The following BPIFB4 variants were observed in gnomAD, a reference collection of about 807,000 sequenced individuals.
The protein encoded by BPIFB4 is BPI fold-containing family B member 4.
A neutral mutation model predicts 69.2 loss-of-function variants in BPIFB4; 62 were observed. That is an observed-to-expected ratio of 0.90 (90% confidence interval 0.73 to 1.11). The LOEUF is 1.11. Among genes scored for constraint, BPIFB4 ranks in the 50% least tolerant of loss-of-function variants. The probability of loss-of-function intolerance (pLI) is 0.00; values close to 1 mark genes in which losing one functional copy is unlikely to be tolerated. For missense variants in BPIFB4, 789 were observed against 792.0 expected (o/e 1.00, Z 0.04); for synonymous variants, 330 against 332.7 (o/e 0.99, Z 0.09).
chr20:33,082,373 GC>G lies in BPIFB4; in HGVS notation c.107-562del, dbSNP rs1252767401. ...TTTGAGACGGAGTTTCGCTCTTGTT[GC>G]CCAGGCTGGAGTGCAATGGTGCGAT... On this transcript the variant is annotated intron_variant, in intron 3 of 17. Transcript: ENST00000375483. Among the ~76,000 whole-genome samples, 4 of 152,158 alleles carry G rather than the reference GC, an allele frequency of 2.6e-5. No individual in the cohort carries two copies. In the South Asian group the frequency reaches 8.3e-4, roughly 32 times the overall value.
At chr20:33,105,977 C>T (rs573599871) in intron 16 of BPIFB4, among the ~76,000 whole-genome samples, 2 of 152,268 alleles carry the variant, frequency 1.3e-5, no homozygotes, top group South Asian at 2.1e-4. Flanking sequence ...AAGTGAGCTC[C>T]GTAAAGCAGT....
At chr20:33,085,964 G>A (rs1487640252) in intron 6 of BPIFB4, 57 bp from the exon 7 acceptor site, 2 of 1,558,918 alleles carry the variant, frequency 1.3e-6, no homozygotes, top group Non-Finnish European at 1.8e-6. Context: ...GGGTAAGGGT[G>A]AGCTCCTGGC....
rs142712835 is a variant in BPIFB4, at chr20:33,100,710, A to G, written c.1637+217A>G. 4.7e-3 allele frequency among the ~76,000 whole-genome samples: 713 copies of G among 152,310 alleles called. 6 individuals carry two copies. The highest frequency in any genetic ancestry group is 8.1e-3 in the Non-Finnish European group (553 of 68,028). On this transcript the variant is annotated intron_variant, in intron 14 of 17. Coordinates refer to ENST00000375483, the MANE Select transcript of BPIFB4 (RefSeq NM_182519.3). ...TAGAAAGAAACTACTGCCAAAATCA[A>G]CAGTCAGTAATAATGATGCTGGGGT...
At chr20:33,103,889 A>ACT (rs1161265392) in intron 15 of BPIFB4, among the ~76,000 whole-genome samples, 1 of 152,252 alleles carries the variant, frequency 6.6e-6, no homozygotes, top group Non-Finnish European at 1.5e-5. Context: ...CAAGTGAAGA[A>ACT]AGGGGCTGAC....
rs775260886 is a variant in BPIFB4 at position 33,111,486 on chromosome 20, C to A, written c.*49C>A. ...GCAACTGGAAGAAGCTGGAACCAGT[C>A]CCAGAGAGGCTCGGCCTGGAAACAG... On this transcript the variant is annotated 3_prime_UTR_variant, in exon 18 of 18. Coordinates refer to ENST00000375483, the MANE Select transcript of BPIFB4 (RefSeq NM_182519.3). 2 of 1,610,824 alleles carry A rather than the reference C, an allele frequency of 1.2e-6. No individual in the cohort carries two copies. Among genetic ancestry groups the A allele is most frequent in the Admixed American group, 1.7e-5 (1 of 59,890 alleles).
In BPIFB4 at chr20:33,092,589, C is replaced by A. The variant is rs747720586; in HGVS notation, c.1275C>A (p.Asn425Lys). The A allele has an allele frequency of 1.2e-6, 2 of 1,613,956 alleles. No individual in the cohort carries two copies. The highest frequency in any genetic ancestry group is 3.3e-5 in the Admixed American group (2 of 60,038). ...NTKSQLAMSANFLGSVLTLLQ... is the reference protein window; with the variant it reads ...NTKSQLAMSAKFLGSVLTLLQ... Reference sequence around the variant, plus strand: ...AGTCCCAGCTGGCCATGTCTGCCAACTTCCTGGGCTCAGTGCTGACTCTAC... The same window carrying A: ...AGTCCCAGCTGGCCATGTCTGCCAAATTCCTGGGCTCAGTGCTGACTCTAC... The change falls in exon 11 of 18, where the codon AAC becomes AAA. Residue 425 changes from asparagine (N) to lysine (K), a missense_variant. Asn to Lys is a moderately conservative substitution (Grantham distance 94). Around this residue, in one of 3 missense-constraint regions of BPIFB4, gnomAD observed 611 missense variants for 575.4 expected, o/e 1.06. Coordinates refer to ENST00000375483, the MANE Select transcript of BPIFB4 (RefSeq NM_182519.3).
Position 33,084,876 on chromosome 20 carries a change from TCTGTGTCCCGAGCAGG to T in BPIFB4, c.678-12_681del, listed in dbSNP as rs773413854. 73 of 1,603,530 alleles carry T rather than the reference TCTGTGTCCCGAGCAGG, an allele frequency of 4.6e-5. No individual in the cohort carries two copies. Among genetic ancestry groups the T allele is most frequent in the Non-Finnish European group, 5.9e-5 (70 of 1,179,576 alleles). ...TTGGGGTGGCCGGCCTTCTCACCAC[TCTGTGTCCCGAGCAGG>T]CTGCGTATCGTGGAGCTGACCCTCC... On this transcript the variant is annotated splice_acceptor_variant and splice_polypyrimidine_tract_variant and coding_sequence_variant and intron_variant, in exon 6 of 18. Coordinates refer to ENST00000375483, the MANE Select transcript of BPIFB4 (RefSeq NM_182519.3). LOFTEE classifies it high-confidence loss of function.
At chr20:33,111,104 C>A (rs749545419) in intron 17 of BPIFB4, among the ~76,000 whole-genome samples, 3 of 152,114 alleles carry the variant, frequency 2.0e-5, no homozygotes. Context: ...GCGTAAGCCA[C>A]CACGCCTGGC....
At chr20:33,089,382 C>T in intron 8 of BPIFB4, 116 bp from the exon 9 acceptor site, 1 of 1,512,554 alleles carries the variant, frequency 6.6e-7, no homozygotes. Flanking sequence ...GAGGAGAGTG[C>T]CTGGCACAGA....
chr20:33,090,927 A>T, intron 10 of BPIFB4, 128 bp downstream of exon 10: 1 of 1,121,736 alleles, frequency 8.9e-7, no homozygotes, highest in Admixed American at 2.4e-5. Flanking sequence ...TCTCGATTAG[A>T]AGAAGGCCTT....
At chr20:33,110,768 G>A (rs529065662) in intron 17 of BPIFB4, among the ~76,000 whole-genome samples, 4 of 135,298 alleles carry the variant, frequency 3.0e-5, no homozygotes, top group Admixed American at 2.2e-4. Context: ...TTTTTTTTTG[G>A]TCTATGGGTT....
intron 16 of BPIFB4, among the ~76,000 whole-genome samples, chr20:33,106,376 C>CTTTCT (rs1189061487): frequency 1.1e-4 from 14 of 133,064 alleles, no homozygotes; most frequent in African/African-American, 1.4e-4. Context: ...TCTTTTCTTT[C>CTTTCT]TTTTTTTTTT....
In BPIFB4 at chr20:33,083,019, G is replaced by A. The variant is rs1250437510; in HGVS notation, c.169+19G>A. 1.2e-6 allele frequency: 2 copies of A among 1,604,500 alleles called. No homozygotes were observed. The highest frequency in any genetic ancestry group is 1.7e-5 in the Admixed American group (1 of 59,722). The stretch of plus-strand genomic sequence containing the variant: ...CCCTTGGGTAAAGCCCGTGGTGATG[G>A]TGGTGGGCCTCTCCTGGGCGGTCTG... On this transcript the variant is annotated intron_variant, in intron 4 of 17. Transcript: ENST00000375483.
chr20:33,080,731 A>G (rs559251282), intron 2 of BPIFB4, among the ~76,000 whole-genome samples, 155 bp downstream of exon 2: 125 of 152,310 alleles, frequency 8.2e-4, no homozygotes, highest in African/African-American at 2.9e-3. Flanking sequence ...GAATGCATTG[A>G]TGAGTAGATA....
chr20:33,111,461 G>A lies in BPIFB4; in HGVS notation c.*24G>A, dbSNP rs1982236112. ...GAGTGACAGAGGCAGAGATGCTGCTGCAACTGGAAGAAGCTGGAACCAGTC... is the reference window on the plus strand; with the variant it reads ...GAGTGACAGAGGCAGAGATGCTGCTACAACTGGAAGAAGCTGGAACCAGTC... On this transcript the variant is annotated 3_prime_UTR_variant, in exon 18 of 18. Coordinates refer to ENST00000375483, the MANE Select transcript of BPIFB4 (RefSeq NM_182519.3). 1 of 1,613,872 alleles carries A rather than the reference G, an allele frequency of 6.2e-7. No individual in the cohort carries two copies. Among genetic ancestry groups the A allele is most frequent in the Admixed American group, 1.7e-5 (1 of 59,998 alleles).
intron 10 of BPIFB4, among the ~76,000 whole-genome samples, chr20:33,091,475 A>G (rs950150759): frequency 1.3e-5 from 2 of 152,190 alleles, no homozygotes; most frequent in Admixed American, 6.5e-5. Context: ...ACGCACACAT[A>G]TGTACTTTCC....
At chr20:33,090,666 ATGGTGAGGGGACCTCCC>A in intron 9 of BPIFB4, 25 bp from the exon 10 acceptor site, 2 of 1,609,986 alleles carry the variant, frequency 1.2e-6, no homozygotes, top group Non-Finnish European at 1.7e-6. Flanking sequence ...AGGCATCTGG[ATGGTGAGGGGACCTCCC>A]TGTGACCCTC....
At chr20:33,085,031 C>T (rs1322204109) in intron 6 of BPIFB4, 35 bp downstream of exon 6, 1 of 1,594,946 alleles carries the variant, frequency 6.3e-7, no homozygotes, top group East Asian at 2.3e-5. Flanking sequence ...GTCCCCACCA[C>T]CCTATGGCCC....
intron 6 of BPIFB4, among the ~76,000 whole-genome samples, chr20:33,085,319 G>T (rs1052214230): frequency 1.3e-5 from 2 of 152,222 alleles, no homozygotes; most frequent in Admixed American, 1.3e-4. Context: ...GCTGGGCGTG[G>T]TGGCAGGTGC....
Sources: gnomAD v4.1 joint callset for allele counts (sites outside exome capture counted in the v4.1 genomes callset) on GRCh38, gnomAD v4.1.1 for gene constraint, gnomAD v4.1.1 regional missense constraint, MANE v1.5 for transcripts, NCBI Gene and HGNC (gene_info 2026-07-23, HGNC 2026-07-21) for gene names.